NDUFS5: variants seen among roughly 807,000 people sequenced by gnomAD.
The protein encoded by NDUFS5 is NADH:ubiquinone oxidoreductase subunit S5.
A neutral mutation model predicts 10.5 loss-of-function variants in NDUFS5; 7 were observed. The ratio of observed to expected loss-of-function variants is 0.66; its 90% CI spans 0.38 to 1.25. The LOEUF (loss-of-function observed/expected upper bound fraction) is 1.25. Among genes scored for constraint, NDUFS5 ranks in the 50% most tolerant of loss-of-function variants. The pLI is 0.02. For synonymous variants in NDUFS5, 38 were observed against 44.0 expected (o/e 0.86, Z 0.54); for missense variants, 148 against 140.7 (o/e 1.05, Z -0.26).
intron 2 of NDUFS5, among the ~76,000 whole-genome samples, chr1:39,032,753 C>T (rs1002876083): frequency 2.6e-5 from 4 of 152,080 alleles, no homozygotes; most frequent in African/African-American, 9.7e-5. Flanking sequence ...GTGGATGCTA[C>T]TTTAAATAGT....
chr1:39,031,727 A>AAT (rs1491098067), intron 2 of NDUFS5, among the ~76,000 whole-genome samples: 1 of 152,206 alleles, frequency 6.6e-6, no homozygotes, highest in African/African-American at 2.4e-5. Flanking sequence ...ATGAATAGAT[A>AAT]AGTTACCATT....
At chr1:39,027,475 G>T (rs958064730) in intron 1 of NDUFS5, among the ~76,000 whole-genome samples, 1 of 151,226 alleles carries the variant, frequency 6.6e-6, no homozygotes, top group Non-Finnish European at 1.5e-5. Context: ...TTGTTTTTGT[G>T]TGTGTGTTTT....
chr1:39,028,302 C>G (rs963916027), intron 1 of NDUFS5, among the ~76,000 whole-genome samples: 1 of 151,700 alleles, frequency 6.6e-6, no homozygotes, highest in Admixed American at 6.6e-5. Flanking sequence ...CGTGGTGGTG[C>G]GCACCTGTAG....
chr1:39,030,417 A>AGAAAAT (rs1644182222), intron 2 of NDUFS5, among the ~76,000 whole-genome samples: 1 of 144,996 alleles, frequency 6.9e-6, no homozygotes. Context: ...GAAAAAAAAA[A>AGAAAAT]AAAAGATGGC....
chr1:39,027,087 A>G (rs1331053201), intron 1 of NDUFS5, among the ~76,000 whole-genome samples: 2 of 152,076 alleles, frequency 1.3e-5, no homozygotes, highest in East Asian at 3.9e-4. Context: ...CTTTTTGTTG[A>G]GATGGAGTTT....
chr1:39,033,339 C>T (rs1490540719), intron 2 of NDUFS5, among the ~76,000 whole-genome samples: 3 of 151,696 alleles, frequency 2.0e-5, no homozygotes, highest in Admixed American at 6.6e-5. Flanking sequence ...TTTGGGAGGC[C>T]GAGGCTGGCG....
chr1:39,030,897 C>T (rs11205584), intron 2 of NDUFS5, among the ~76,000 whole-genome samples: 2 of 151,982 alleles, frequency 1.3e-5, no homozygotes, highest in Non-Finnish European at 2.9e-5. Context: ...TTTGAGACAG[C>T]GTCTCACTCC....
chr1:39,028,739 C>A lies in NDUFS5; in HGVS notation c.15C>A (p.Asp5Glu). The change falls in exon 2 of 3, where the codon GAC becomes GAA. Residue 5 changes from aspartate (D) to glutamate (E), a missense_variant. Physicochemically the swap from Asp to Glu is conservative, Grantham distance 45. Coordinates refer to ENST00000372969, the MANE Select transcript of NDUFS5 (RefSeq NM_004552.3). MPFLDIQKRFGLNID... is the reference protein window; with the variant it reads MPFLEIQKRFGLNID... ...CCATTACAGCCATGCCTTTCTTGGA[C>A]ATCCAGAAAAGGTTCGGCCTTAACA... The A allele has an allele frequency of 6.2e-7, 1 of 1,613,954 alleles. No homozygotes were observed. Among genetic ancestry groups the A allele is most frequent in the Non-Finnish European group, 8.5e-7 (1 of 1,179,938 alleles).
intron 2 of NDUFS5, among the ~76,000 whole-genome samples, chr1:39,032,333 G>C (rs1355359011): frequency 6.6e-6 from 1 of 152,170 alleles, no homozygotes. Context: ...AGAAAGATTT[G>C]ACATATGGTA....
At position 39,032,057 on chromosome 1, in the gene NDUFS5, G is replaced by A. The variant is rs371477679; in HGVS notation, c.217-2335G>A. On this transcript the variant is annotated intron_variant, in intron 2 of 2. Transcript: ENST00000372969. ...GCCTGTAATCCCAGCTACTCAGGAG[G>A]CTGAGGCAGGAGAATCGCTTGAACC... Among the ~76,000 whole-genome samples, 338 of 152,256 alleles carry A rather than the reference G, an allele frequency of 2.2e-3. 3 individuals are homozygous for A. Among genetic ancestry groups the A allele is most frequent in the African/African-American group, 8.0e-3 (332 of 41,554 alleles).
chr1:39,034,006 G>A (rs1364681942), intron 2 of NDUFS5, among the ~76,000 whole-genome samples: 1 of 150,932 alleles, frequency 6.6e-6, no homozygotes, highest in Non-Finnish European at 1.5e-5. Flanking sequence ...TTACCTTGTT[G>A]GCCAGTCTGG....
intron 2 of NDUFS5, among the ~76,000 whole-genome samples, chr1:39,033,942 A>T (rs1051038994): frequency 6.6e-6 from 1 of 151,994 alleles, no homozygotes; most frequent in Admixed American, 6.6e-5. Context: ...CTGGGATTAC[A>T]GATGTGCACC....
intron 2 of NDUFS5, among the ~76,000 whole-genome samples, chr1:39,029,149 C>A (rs888385509): frequency 6.6e-6 from 1 of 151,906 alleles, no homozygotes; most frequent in Non-Finnish European, 1.5e-5. Flanking sequence ...CCTGCCACCA[C>A]GCCTGGCTAA....
chr1:39,026,712 G>T (rs1029075850), intron 1 of NDUFS5, among the ~76,000 whole-genome samples: 2 of 152,156 alleles, frequency 1.3e-5, no homozygotes, highest in Non-Finnish European at 2.9e-5. Flanking sequence ...CGGCCCCGCC[G>T]GCCTCCTGAG....
chr1:39,027,581 G>GTTTTTTTTTT lies in NDUFS5; in HGVS notation c.-2-1136_-2-1127dup, dbSNP rs760373747. Among the ~76,000 whole-genome samples the GTTTTTTTTTT allele has an allele frequency of 2.9e-3, 265 of 91,132 alleles. 55 individuals carry two copies. Among genetic ancestry groups the GTTTTTTTTTT allele is most frequent in the Non-Finnish European group, 4.2e-3 (189 of 45,254 alleles). The allele number at this position is 91,132 out of a possible 152,430, so 59.8% of individuals were successfully genotyped here. ...GTCTTAACCCATTTCTTTCGCTCTGGTTTTTTTTTTTTTTTGAGACAGGAT... is the reference window on the plus strand; with the variant it reads ...GTCTTAACCCATTTCTTTCGCTCTGGTTTTTTTTTTTTTTTTTTTTTTTTTGAGACAGGAT... On this transcript the variant is annotated intron_variant, in intron 1 of 2. Coordinates refer to ENST00000372969, the MANE Select transcript of NDUFS5 (RefSeq NM_004552.3).
intron 2 of NDUFS5, 128 bp downstream of exon 2, chr1:39,029,068 C>A: frequency 1.2e-6 from 1 of 812,948 alleles, no homozygotes; most frequent in Non-Finnish European, 1.9e-6. Flanking sequence ...CCTCGTCTCA[C>A]TGTAGCCTCT....
At position 39,028,805 on chromosome 1, in the gene NDUFS5, C is replaced by T. The variant is rs372007959; in HGVS notation, c.81C>T (p.Tyr27=). 2 of 1,614,024 alleles carry T rather than the reference C, an allele frequency of 1.2e-6. No individual in the cohort carries two copies. The highest frequency in any genetic ancestry group is 4.5e-5 in the East Asian group (2 of 44,874). ...WLTIQSGEQP[Y]KMAGRCHAFE... is the part of the protein sequence containing the mutation. The stretch of plus-strand genomic sequence containing the variant: ...CAATCCAGAGTGGTGAACAGCCCTA[C>T]AAGATGGCTGGTCGATGCCATGCTT... The change falls in exon 2 of 3, where the codon TAC becomes TAT. Residue 27 remains tyrosine (Y), a synonymous_variant. Coordinates refer to ENST00000372969, the MANE Select transcript of NDUFS5 (RefSeq NM_004552.3).
At chr1:39,028,997 T>TC in intron 2 of NDUFS5, 57 bp downstream of exon 2, 5 of 1,375,694 alleles carry the variant, frequency 3.6e-6, no homozygotes, top group Non-Finnish European at 4.9e-6. Context: ...TGGGACTCTT[T>TC]TTTTTTTTTT....
rs1317634101 is a variant in NDUFS5, at chr1:39,027,857, C to T, written c.-2-866C>T. 4.9e-5 allele frequency among the ~76,000 whole-genome samples: 6 copies of T among 121,352 alleles called. No individual in the cohort carries two copies. In the South Asian group the frequency reaches 7.8e-4, roughly 16 times the overall value. 79.6% of individuals were successfully genotyped at this position (121,352 alleles called of 152,430 possible). A position where few individuals can be genotyped will look rare whatever the true frequency, so the allele number is the denominator to read the frequency against. On this transcript the variant is annotated intron_variant, in intron 1 of 2. Coordinates refer to ENST00000372969, the MANE Select transcript of NDUFS5 (RefSeq NM_004552.3). ...TTTTTGAGACAGAGTCTCGCTCTGT[C>T]GCCCAGGCTGGAGTACAATGGCGGA... is the stretch of plus-strand genomic sequence containing the variant.
Sources: gnomAD v4.1 joint callset for allele counts (sites outside exome capture counted in the v4.1 genomes callset) on GRCh38, gnomAD v4.1.1 for gene constraint, MANE v1.5 for transcripts, NCBI Gene and HGNC (gene_info 2026-07-23, HGNC 2026-07-21) for gene names.